The following FBXL18 variants were observed in gnomAD, a reference collection of about 807,000 sequenced individuals.
FBXL18 encodes the protein F-box and leucine rich repeat protein 18, also known as F-box/LRR-repeat protein 18.
In FBXL18, 36 loss-of-function variants were observed where a neutral mutation model predicts 46.0. The observed-to-expected ratio is 0.78, with a 90% confidence interval of 0.60 to 1.03. FBXL18 has a LOEUF of 1.03. FBXL18 is among the 50% of genes least tolerant of loss of function. The pLI is 0.00. For synonymous variants in FBXL18, 557 were observed against 465.3 expected (o/e 1.20, Z -2.54); for missense variants, 977 against 1,004.1 (o/e 0.97, Z 0.36).
At chr7:5,508,864 G>C (rs1476355906) in intron 1 of FBXL18, among the ~76,000 whole-genome samples, 1 of 152,096 alleles carries the variant, frequency 6.6e-6, no homozygotes, top group Non-Finnish European at 1.5e-5. Flanking sequence ...TGGTAAGAAT[G>C]AGAACTTAGG....
chr7:5,497,569 T>C (rs1584228515), intron 3 of FBXL18, among the ~76,000 whole-genome samples: 1 of 152,192 alleles, frequency 6.6e-6, no homozygotes, highest in Non-Finnish European at 1.5e-5. Context: ...GCTGGCTGCA[T>C]GGCCGGGGGA....
At chr7:5,465,425 G>C (rs984630164) in intron 4 of FBXL18, among the ~76,000 whole-genome samples, 1 of 151,848 alleles carries the variant, frequency 6.6e-6, no homozygotes, top group Non-Finnish European at 1.5e-5. Flanking sequence ...CTTCTGGAAC[G>C]CCTGACCTCA....
intron 4 of FBXL18, among the ~76,000 whole-genome samples, chr7:5,464,476 T>C (rs1030776411): frequency 6.6e-6 from 1 of 151,032 alleles, no homozygotes; most frequent in African/African-American, 2.4e-5. Context: ...CAAGACTCCA[T>C]CTCGAAAATA....
chr7:5,510,879 A>AGTGGCAGGCCCTGGAATGTGC (rs1784515071), intron 1 of FBXL18, among the ~76,000 whole-genome samples: 1 of 152,112 alleles, frequency 6.6e-6, no homozygotes, highest in South Asian at 2.1e-4. Context: ...TTCTGGTGTG[A>AGTGGCAGGCCCTGGAATGTGC]GTGGCAGGCC....
In FBXL18 at chr7:5,477,842, C is replaced by G. The variant is rs1783551237; in HGVS notation, c.*3933G>C. 2 of 152,408 alleles carry G rather than the reference C, an allele frequency of 1.3e-5. No individual in the cohort carries two copies. The highest frequency in any genetic ancestry group is 2.9e-5 in the Non-Finnish European group (2 of 68,154). 9.4% of individuals were successfully genotyped at this position (152,408 alleles called of 1,614,324 possible). On this transcript the variant is annotated 3_prime_UTR_variant, in exon 5 of 5. Coordinates refer to ENST00000382368, the MANE Select transcript of FBXL18 (RefSeq NM_024963.6). This position sits in a 1 kb window ranked among gnomAD's most constrained non-coding sequence, Gnocchi z 4.4. ...CATCCAGGCCTCCAGCACCCTCCAT[C>G]CCTGCAGGAGCACTGCTGGCACCGC...
chr7:5,502,147 T>G, intron 2 of FBXL18, 116 bp from the exon 3 acceptor site: 1 of 732,576 alleles, frequency 1.4e-6, no homozygotes, highest in Non-Finnish European at 2.2e-6. Flanking sequence ...GGAGGGAAGC[T>G]CCCCACCTCT....
chr7:5,488,242 G>A (rs1055594236), intron 4 of FBXL18, among the ~76,000 whole-genome samples: 2 of 152,242 alleles, frequency 1.3e-5, no homozygotes, highest in African/African-American at 4.8e-5. Context: ...GCATGGAGCC[G>A]GCCACAGGCA....
chr7:5,463,725 T>TA lies in FBXL18; in HGVS notation c.2001-15883_2001-15882insT, dbSNP rs1562672270. On this transcript the variant is annotated intron_variant and NMD_transcript_variant, in intron 4 of 6. Coordinates refer to the FBXL18 transcript ENST00000415009. ...ATATATTTATTTATTTATTTATTTA[T>TA]TTATTTTTTTTTTTTTTTTTTTTTT... 2.3e-3 allele frequency among the ~76,000 whole-genome samples: 132 copies of TA among 58,640 alleles called. 7 individuals carry two copies. Among genetic ancestry groups the TA allele is most frequent in the Middle Eastern group, 9.1e-3 (1 of 110 alleles). 38.5% of individuals were successfully genotyped at this position (58,640 alleles called of 152,430 possible).
chr7:5,471,797 T>C (rs1783431934), downstream of FBXL18, among the ~76,000 whole-genome samples: 1 of 152,216 alleles, frequency 6.6e-6, no homozygotes, highest in Non-Finnish European at 1.5e-5. Context: ...CTGGCCTCCC[T>C]GGCGTAGTGC....
chr7:5,505,638 T>A lies in FBXL18; in HGVS notation c.19-8A>T. 1 of 1,612,202 alleles carries A rather than the reference T, an allele frequency of 6.2e-7. No homozygotes were observed. Among genetic ancestry groups the A allele is most frequent in the Non-Finnish European group, 8.5e-7 (1 of 1,178,746 alleles). ...ATCATCATTGGATATGTCCTGAAAA[T>A]AAGGGGGACACCATTCCCACAGGAT... On this transcript the variant is annotated splice_polypyrimidine_tract_variant and splice_region_variant and intron_variant, in intron 1 of 4. Coordinates refer to ENST00000382368, the MANE Select transcript of FBXL18 (RefSeq NM_024963.6).
At chr7:5,473,760 C>CA (rs1195674210), downstream of FBXL18, among the ~76,000 whole-genome samples, 6,344 of 57,764 alleles carry the variant, frequency 0.11, 304 homozygotes, top group African/African-American at 0.18. Context: ...GACTCCATCT[C>CA]AAAAAAAAAA....
Position 5,488,970 on chromosome 7 carries a change from T to C in FBXL18, c.2000+2261A>G, listed in dbSNP as rs140809428. On this transcript the variant is annotated intron_variant, in intron 4 of 4. Coordinates refer to ENST00000382368, the MANE Select transcript of FBXL18 (RefSeq NM_024963.6). ...TACATCAGCAGGTGTCACATCCAGC[T>C]CACAGCACAAGGATGCTAAGATGTG... is the stretch of plus-strand genomic sequence containing the variant. 2.5e-3 allele frequency among the ~76,000 whole-genome samples: 380 copies of C among 152,260 alleles called. 2 individuals carry two copies. The highest frequency in any genetic ancestry group is 4.6e-3 in the Non-Finnish European group (315 of 68,018).
At position 5,513,800 on chromosome 7, in the gene FBXL18, C is replaced by T; in HGVS notation, c.-126G>A. ...GAGACCCCGGCAAGGAGCGGGCTCTCGTCACTTCCGGCGCCCGCCTACACG... is the reference window on the plus strand; with the variant it reads ...GAGACCCCGGCAAGGAGCGGGCTCTTGTCACTTCCGGCGCCCGCCTACACG... On this transcript the variant is annotated 5_prime_UTR_variant, in exon 1 of 5. Transcript: ENST00000382368. The T allele has an allele frequency of 3.7e-6, 5 of 1,352,686 alleles. No homozygotes were observed. The highest frequency in any genetic ancestry group is 5.0e-6 in the Non-Finnish European group (5 of 1,000,820). The allele number at this position is 1,352,686 out of a possible 1,614,324, so 83.8% of individuals were successfully genotyped here. A position where few individuals can be genotyped will look rare whatever the true frequency, so the allele number is the denominator to read the frequency against.
Position 5,500,681 on chromosome 7 carries a change from G to A in FBXL18, c.1588C>T (p.Leu530=), listed in dbSNP as rs749608002. The change falls in exon 3 of 5, where the codon CTG becomes TTG. Residue 530 remains leucine (L), a synonymous_variant. Coordinates refer to ENST00000382368, the MANE Select transcript of FBXL18 (RefSeq NM_024963.6). ...AGCGTCAGGTGCCGCAGGAAGGCCAGCTGGCCGATGGCGGCCACCTCCGAG... is the reference window on the plus strand; with the variant it reads ...AGCGTCAGGTGCCGCAGGAAGGCCAACTGGCCGATGGCGGCCACCTCCGAG... ...GDSEVAAIGQ[L]AFLRHLTLAQ... is the part of the protein sequence containing the mutation. 34 of 1,610,652 alleles carry A rather than the reference G, an allele frequency of 2.1e-5. No individual in the cohort carries two copies. Among genetic ancestry groups the A allele is most frequent in the Middle Eastern group, 1.6e-4 (1 of 6,076 alleles).
chr7:5,482,138 C>G (rs1783664585), intron 4 of FBXL18, among the ~76,000 whole-genome samples: 1 of 152,194 alleles, frequency 6.6e-6, no homozygotes, highest in Non-Finnish European at 1.5e-5. Flanking sequence ...AGCACGGCAG[C>G]CGGGAACAGG....
At chr7:5,489,923 C>T (rs143917669) in intron 4 of FBXL18, 8 of 1,169,786 alleles carry the variant, frequency 6.8e-6, no homozygotes, top group Admixed American at 4.9e-5. Context: ...CCAGCCTGGA[C>T]GACAGAGTGA....
chr7:5,457,832 A>G (rs1361584947), intron 4 of FBXL18, among the ~76,000 whole-genome samples: 1 of 152,094 alleles, frequency 6.6e-6, no homozygotes, highest in Non-Finnish European at 1.5e-5. Flanking sequence ...GCGGAAGGCC[A>G]TCCCTATCGC....
chr7:5,482,353 C>T (rs1191293875), intron 4 of FBXL18, among the ~76,000 whole-genome samples: 1 of 152,210 alleles, frequency 6.6e-6, no homozygotes, highest in Non-Finnish European at 1.5e-5. Flanking sequence ...GTGCCCACAC[C>T]CCACAGCCGC....
chr7:5,462,310 A>G (rs1783258875), intron 4 of FBXL18, among the ~76,000 whole-genome samples: 1 of 152,198 alleles, frequency 6.6e-6, no homozygotes, highest in East Asian at 1.9e-4. Flanking sequence ...TTTTACAGAG[A>G]AAAAATGAAA....
Sources: allele counts gnomAD v4.1 joint callset (sites outside exome capture counted in the v4.1 genomes callset), GRCh38; gene constraint gnomAD v4.1.1; non-coding constraint Gnocchi (gnomAD v3.1); transcripts MANE v1.5; gene names NCBI Gene and HGNC (gene_info 2026-07-23, HGNC 2026-07-21).